Variants in PFKP observed in about 807,000 individuals in gnomAD.
PFKP encodes the protein phosphofructokinase, platelet.
A neutral mutation model predicts 94.3 loss-of-function variants in PFKP; 101 were observed. The observed-to-expected ratio is 1.07, with a 90% CI of 0.91 to 1.26. The LOEUF is 1.26. PFKP is among the 50% of genes most tolerant of loss of function. The probability of loss-of-function intolerance (pLI) is 0.00; values close to 1 mark genes in which losing one functional copy is unlikely to be tolerated. For missense variants in PFKP, 1,145 were observed against 1,103.3 expected (o/e 1.04, Z -0.53); for synonymous variants, 573 against 432.6 (o/e 1.32, Z -4.03).
At chr10:3,112,976 T>G (rs763754731) in intron 11 of PFKP, 143 bp from the exon 12 acceptor site, 3 of 730,470 alleles carry the variant, frequency 4.1e-6, no homozygotes, top group Non-Finnish European at 6.9e-6. Context: ...GCCATGCACA[T>G]GGAACCCTGG....
At position 3,119,845 on chromosome 10, in the gene PFKP, C is replaced by T. The variant is rs562986605; in HGVS notation, c.1531-47C>T. On this transcript the variant is annotated intron_variant, in intron 15 of 21. Transcript: ENST00000381125. ...CAGCCTCTCCCAGCGAGACCCTCTCCTCCCCAGCTTCCCTCTCGCCCCACA... is the reference window on the plus strand; with the variant it reads ...CAGCCTCTCCCAGCGAGACCCTCTCTTCCCCAGCTTCCCTCTCGCCCCACA... 29 of 1,600,886 alleles carry T rather than the reference C, an allele frequency of 1.8e-5. No homozygotes were observed. The East Asian group carries it at 6.3e-4, about 35-fold the overall frequency.
intron 17 of PFKP, among the ~76,000 whole-genome samples, chr10:3,131,242 GAAC>G (rs1270348961): frequency 1.3e-5 from 2 of 152,118 alleles, no homozygotes; most frequent in African/African-American, 4.8e-5. Context: ...TTGTAGCCAG[GAAC>G]AACAGGTGTG....
intron 3 of PFKP, chr10:3,101,063 G>A (rs906860531): frequency 4.2e-4 from 561 of 1,336,260 alleles, no homozygotes; most frequent in Middle Eastern, 6.1e-4. Flanking sequence ...GTGCTGAGGC[G>A]GCTGCTGTGA....
chr10:3,123,026 G>A (rs961157410), intron 16 of PFKP, among the ~76,000 whole-genome samples: 1 of 152,170 alleles, frequency 6.6e-6, no homozygotes, highest in African/African-American at 2.4e-5. Context: ...CTCTGGACAC[G>A]TGCGTCCTCG....
chr10:3,071,887 C>T (rs901289841), intron 1 of PFKP, among the ~76,000 whole-genome samples: 1 of 152,288 alleles, frequency 6.6e-6, no homozygotes, highest in African/African-American at 2.4e-5. Context: ...AATGACTTAT[C>T]CCTATTTTAC....
At chr10:3,109,980 C>T (rs1308095585) in intron 10 of PFKP, among the ~76,000 whole-genome samples, 1 of 152,114 alleles carries the variant, frequency 6.6e-6, no homozygotes, top group East Asian at 1.9e-4. Context: ...TCCCAAACTT[C>T]TCCAGTTTCA....
At chr10:3,111,448 C>T (rs550868200) in intron 10 of PFKP, among the ~76,000 whole-genome samples, 9 of 152,076 alleles carry the variant, frequency 5.9e-5, no homozygotes, top group Non-Finnish European at 1.0e-4. Flanking sequence ...GAGCCTGTGT[C>T]TCATGTCTCT....
At chr10:3,105,984 T>C (rs1588478524) in intron 7 of PFKP, among the ~76,000 whole-genome samples, 1 of 152,344 alleles carries the variant, frequency 6.6e-6, no homozygotes, top group African/African-American at 2.4e-5. Flanking sequence ...GCAGCCACGG[T>C]GGCCCAGCAG....
chr10:3,129,794 T>A, intron 16 of PFKP, 25 bp from the exon 17 acceptor site: 3 of 1,611,672 alleles, frequency 1.9e-6, no homozygotes, highest in Non-Finnish European at 2.5e-6. Context: ...TGGGCTGGAG[T>A]GACTGATCGC....
rs541158183 is a variant in PFKP, at chr10:3,134,355, T to G, written c.2023-128T>G. The G allele has an allele frequency of 1.5e-5, 10 of 651,168 alleles. No homozygotes were observed. In the Admixed American group the frequency reaches 2.3e-4, roughly 15 times the overall value. 40.3% of individuals were successfully genotyped at this position (651,168 alleles called of 1,614,324 possible). On this transcript the variant is annotated intron_variant, in intron 19 of 21. Transcript: ENST00000381125. ...TTCAGGCTACGGGAATCACAGGTTT[T>G]GTTCTGTTCCAACTATAAGGACCTA... is the stretch of plus-strand genomic sequence containing the variant.
Position 3,087,692 on chromosome 10 carries a change from G to C in PFKP, c.186+5231G>C, listed in dbSNP as rs148248661. ...GGAATTATCTTACTGAGGAAGATAG[G>C]AGCAGCCTGGGGATCAGCTCATTTG... On this transcript the variant is annotated intron_variant, in intron 2 of 21. Coordinates refer to ENST00000381125, the MANE Select transcript of PFKP (RefSeq NM_002627.5). Among the ~76,000 whole-genome samples, 589 of 152,284 alleles carry C rather than the reference G, an allele frequency of 3.9e-3. 3 individuals are homozygous for C. Among genetic ancestry groups the C allele is most frequent in the African/African-American group, 0.014 (569 of 41,556 alleles).
At chr10:3,102,232 C>T (rs1207377623) in intron 4 of PFKP, among the ~76,000 whole-genome samples, 27 of 97,192 alleles carry the variant, frequency 2.8e-4, no homozygotes, top group Non-Finnish European at 3.9e-5. Flanking sequence ...GCCTGGGCGA[C>T]AGAGCGAGAC....
chr10:3,100,056 GGTGTGTGTGT>G (rs55739223), intron 3 of PFKP, among the ~76,000 whole-genome samples: 6 of 137,742 alleles, frequency 4.4e-5, no homozygotes, highest in Non-Finnish European at 9.1e-5. Context: ...GTAGGTGTGT[GGTGTGTGTGT>G]GTGTGTGTGT....
At chr10:3,088,582 G>A (rs144265674) in intron 2 of PFKP, among the ~76,000 whole-genome samples, 5,414 of 152,214 alleles carry the variant, frequency 0.036, 134 homozygotes, top group South Asian at 0.083. Context: ...GTTTGATGCC[G>A]TGCACTCCCA....
intron 4 of PFKP, among the ~76,000 whole-genome samples, chr10:3,102,679 G>A (rs562069008): frequency 9.9e-5 from 15 of 152,276 alleles, no homozygotes; most frequent in African/African-American, 2.2e-4. Flanking sequence ...TCATCCACCC[G>A]CTTCGGCCTC....
At chr10:3,091,599 G>T in intron 2 of PFKP, among the ~76,000 whole-genome samples, 1 of 152,068 alleles carries the variant, frequency 6.6e-6, no homozygotes, top group African/African-American at 2.4e-5. Context: ...TGGATCCTTT[G>T]AGGTCAGGAG....
At chr10:3,097,487 G>A (rs1834585482) in intron 2 of PFKP, among the ~76,000 whole-genome samples, 1 of 152,078 alleles carries the variant, frequency 6.6e-6, no homozygotes, top group Non-Finnish European at 1.5e-5. Flanking sequence ...GAGTGAGACT[G>A]GGCTGTGTTT....
At chr10:3,094,328 C>T (rs970154449) in intron 2 of PFKP, among the ~76,000 whole-genome samples, 1 of 152,252 alleles carries the variant, frequency 6.6e-6, no homozygotes, top group Non-Finnish European at 1.5e-5. Context: ...ATACATCATG[C>T]TGTTGCATTA....
chr10:3,126,586 A>G (rs2131682933), intron 16 of PFKP, among the ~76,000 whole-genome samples: 1 of 152,274 alleles, frequency 6.6e-6, no homozygotes, highest in Admixed American at 6.5e-5. Context: ...CTGGCCACCG[A>G]CTTCAGCAGA....
Sources: gnomAD v4.1 joint callset for allele counts (sites outside exome capture counted in the v4.1 genomes callset) on GRCh38, gnomAD v4.1.1 for gene constraint, MANE v1.5 for transcripts, NCBI Gene and HGNC (gene_info 2026-07-23, HGNC 2026-07-21) for gene names.